The following NEK1 variants were observed in gnomAD, a reference collection of about 807,000 sequenced individuals.
NEK1 encodes the protein serine/threonine-protein kinase Nek1.
In NEK1, 137 loss-of-function variants were observed where a neutral mutation model predicts 182.1. The observed-to-expected ratio is 0.75, with a 90% confidence interval of 0.65 to 0.87. The LOEUF (loss-of-function observed/expected upper bound fraction) is 0.87. Ranked by LOEUF, NEK1 falls within the 40% of genes least tolerant of loss-of-function variation. The probability of loss-of-function intolerance (pLI) is 0.00; values close to 1 mark genes in which losing one functional copy is unlikely to be tolerated. For synonymous variants in NEK1, 513 were observed against 492.2 expected (o/e 1.04, Z -0.56); for missense variants, 1,391 against 1,494.4 (o/e 0.93, Z 1.14).
At chr4:169,581,429 G>A (rs1269366409) in intron 10 of NEK1, among the ~76,000 whole-genome samples, 1 of 151,890 alleles carries the variant, frequency 6.6e-6, no homozygotes, top group East Asian at 1.9e-4. Context: ...ACCATGCCAG[G>A]CTGATTTAAA....
At chr4:169,533,310 C>G (rs1757967243) in intron 19 of NEK1, among the ~76,000 whole-genome samples, 1 of 152,200 alleles carries the variant, frequency 6.6e-6, no homozygotes, top group Non-Finnish European at 1.5e-5. Flanking sequence ...TCACTGAAAA[C>G]TGCAGAGAAC....
At chr4:169,401,512 A>C (rs1316403305) in intron 33 of NEK1, 140 bp downstream of exon 33, 1 of 534,100 alleles carries the variant, frequency 1.9e-6, no homozygotes, top group East Asian at 3.0e-5. Flanking sequence ...AAAAAGAATG[A>C]AAAAAGGGGA....
At chr4:169,444,996 G>A (rs532372907) in intron 27 of NEK1, among the ~76,000 whole-genome samples, 2 of 152,292 alleles carry the variant, frequency 1.3e-5, no homozygotes, top group African/African-American at 4.8e-5. Context: ...ATGCTCCTGA[G>A]CAAACATTGA....
Position 169,518,441 on chromosome 4 carries a change from C to G in NEK1, c.1666-9589G>C, listed in dbSNP as rs1426331961. ...ATAGCGGTCTATCAATTTTGTTGAT[C>G]CTTTCAAAAAACCAGCTCCTGGATT... is the stretch of plus-strand genomic sequence containing the variant. On this transcript the variant is annotated intron_variant, in intron 19 of 35. Coordinates refer to ENST00000507142, the MANE Select transcript of NEK1 (RefSeq NM_001199397.3). 5.9e-5 allele frequency among the ~76,000 whole-genome samples: 8 copies of G among 136,548 alleles called. No homozygotes were observed. The East Asian group carries it at 1.6e-3, about 28-fold the overall frequency. 89.6% of individuals were successfully genotyped at this position (136,548 alleles called of 152,430 possible). A position where few individuals can be genotyped will look rare whatever the true frequency, so the allele number is the denominator to read the frequency against.
chr4:169,576,651 C>A (rs542593460), intron 12 of NEK1: 1 of 204,520 alleles, frequency 4.9e-6, no homozygotes, highest in East Asian at 1.3e-4. Flanking sequence ...TGCACAAAAA[C>A]AAATGGCTCT....
Position 169,449,477 on chromosome 4 carries a change from A to G in NEK1, c.2588-11218T>C, listed in dbSNP as rs566001074. Among the ~76,000 whole-genome samples, 8 of 152,294 alleles carry G rather than the reference A, an allele frequency of 5.3e-5. No homozygotes were observed. In the South Asian group the frequency reaches 1.7e-3, roughly 32 times the overall value. ...CTTCCAGAGGAAGGATCAGGCAGCA[A>G]TATTTGCTGTTCTTCAATATTTGCT... On this transcript the variant is annotated intron_variant, in intron 27 of 35. Transcript: ENST00000507142.
chr4:169,518,494 T>C (rs1456070604), intron 19 of NEK1, among the ~76,000 whole-genome samples: 3 of 114,902 alleles, frequency 2.6e-5, no homozygotes, highest in African/African-American at 8.5e-5. Context: ...GTTTTTTGTG[T>C]CTCTATTTCC....
At chr4:169,414,527 T>G (rs1045261344) in intron 31 of NEK1, among the ~76,000 whole-genome samples, 1 of 152,208 alleles carries the variant, frequency 6.6e-6, no homozygotes, top group African/African-American at 2.4e-5. Flanking sequence ...CTTTGAAGCA[T>G]TATTAATATT....
rs563602021 is a variant in NEK1, at chr4:169,457,808, A to G, written c.2587+5435T>C. Among the ~76,000 whole-genome samples the G allele has an allele frequency of 3.5e-4, 53 of 151,878 alleles. No homozygotes were observed. The East Asian group carries it at 0.01, about 29-fold the overall frequency. Reference sequence around the variant, plus strand: ...ATTCAAGAGTACTGTCCTAAAATTGAGAGGATAAAAAAAGACTCCTAAAAC... The same window carrying G: ...ATTCAAGAGTACTGTCCTAAAATTGGGAGGATAAAAAAAGACTCCTAAAAC... On this transcript the variant is annotated intron_variant, in intron 27 of 35. Transcript: ENST00000507142.
chr4:169,482,258 A>G (rs1415484504), intron 23 of NEK1, among the ~76,000 whole-genome samples: 3 of 152,118 alleles, frequency 2.0e-5, no homozygotes, highest in Non-Finnish European at 1.5e-5. Context: ...AGCTTTCTCC[A>G]TATCAGCAAG....
intron 29 of NEK1, among the ~76,000 whole-genome samples, chr4:169,432,918 C>T (rs1737702179): frequency 6.6e-6 from 1 of 152,144 alleles, no homozygotes; most frequent in Non-Finnish European, 1.5e-5. Context: ...GGATTATAGG[C>T]ACCCGCCGCC....
intron 19 of NEK1, among the ~76,000 whole-genome samples, chr4:169,525,630 C>T (rs1756784795): frequency 6.6e-6 from 1 of 152,086 alleles, no homozygotes; most frequent in African/African-American, 2.4e-5. Context: ...CATAGCCACA[C>T]TAATTTGTTT....
chr4:169,535,371 A>C (rs1199052070), intron 19 of NEK1, among the ~76,000 whole-genome samples: 1 of 151,956 alleles, frequency 6.6e-6, no homozygotes, highest in Admixed American at 6.6e-5. Context: ...AAAACATATA[A>C]TGTCTGTATA....
At chr4:169,570,109 A>C (rs1764467064) in intron 12 of NEK1, among the ~76,000 whole-genome samples, 1 of 124,920 alleles carries the variant, frequency 8.0e-6, no homozygotes, top group Non-Finnish European at 1.7e-5. Context: ...CTGGCCGCCC[A>C]TCGTCTGAGA....
chr4:169,500,575 T>C (rs975294654), intron 23 of NEK1, among the ~76,000 whole-genome samples: 2 of 152,188 alleles, frequency 1.3e-5, no homozygotes, highest in African/African-American at 4.8e-5. Flanking sequence ...GCAGAAATCT[T>C]ACAAACCAGA....
At chr4:169,532,582 A>G (rs1757842051) in intron 19 of NEK1, among the ~76,000 whole-genome samples, 1 of 152,166 alleles carries the variant, frequency 6.6e-6, no homozygotes, top group Non-Finnish European at 1.5e-5. Context: ...TGAGGTATAT[A>G]GAAAATCCTT....
At chr4:169,558,963 A>G (rs2149927931) in intron 16 of NEK1, among the ~76,000 whole-genome samples, 2 of 152,308 alleles carry the variant, frequency 1.3e-5, no homozygotes, top group Middle Eastern at 3.4e-3. Context: ...CTATGTAGAA[A>G]TCAAACAGCC....
At chr4:169,502,336 T>C (rs1218508158) in intron 23 of NEK1, among the ~76,000 whole-genome samples, 1 of 151,714 alleles carries the variant, frequency 6.6e-6, no homozygotes, top group Non-Finnish European at 1.5e-5. Context: ...CTACTGAAAT[T>C]ATTGAAAATA....
chr4:169,482,827 G>A (rs28850127), intron 23 of NEK1, among the ~76,000 whole-genome samples: 209 of 152,060 alleles, frequency 1.4e-3, no homozygotes, highest in African/African-American at 4.0e-3. Context: ...TAGTAGAGAT[G>A]GGGTTCACTA....
Sources: allele counts gnomAD v4.1 joint callset (sites outside exome capture counted in the v4.1 genomes callset), GRCh38; gene constraint gnomAD v4.1.1; transcripts MANE v1.5; gene names NCBI Gene and HGNC (gene_info 2026-07-23, HGNC 2026-07-21).